SCAMP2: variants seen among roughly 807,000 people sequenced by gnomAD.
SCAMP2 encodes the protein secretory carrier membrane protein 2.
SCAMP2 carries 25 observed loss-of-function variants against 44.1 expected under a neutral mutation model. The ratio of observed to expected loss-of-function variants is 0.57; its 90% CI spans 0.41 to 0.79. The LOEUF is 0.79. Among genes scored for constraint, SCAMP2 ranks in the 30% least tolerant of loss-of-function variants. The pLI, the probability that SCAMP2 is intolerant of heterozygous loss-of-function variation, is 0.00. For synonymous variants in SCAMP2, 156 were observed against 166.0 expected, an observed-to-expected ratio of 0.94 and a Z score of 0.46; for missense variants, 355 against 411.0, an observed-to-expected ratio of 0.86 and a Z score of 1.18.
intron 1 of SCAMP2, among the ~76,000 whole-genome samples, chr15:74,867,503 C>A (rs1417678807): frequency 1.3e-5 from 2 of 152,196 alleles, no homozygotes; most frequent in African/African-American, 2.4e-5. Context: ...GCTGTAAGAA[C>A]CCTGCCATTT....
intron 1 of SCAMP2, among the ~76,000 whole-genome samples, chr15:74,856,264 CTTTTTTTTTTTTTTTTT>C (rs34812536): frequency 1.7e-5 from 1 of 60,408 alleles, no homozygotes; most frequent in Non-Finnish European, 2.9e-5. Context: ...AGAGCCAGTT[CTTTTTTTTTTTTTTTTT>C]TTTTTTTTTT....
At chr15:74,858,590 T>C (rs2064481863) in intron 1 of SCAMP2, among the ~76,000 whole-genome samples, 1 of 151,840 alleles carries the variant, frequency 6.6e-6, no homozygotes, top group Non-Finnish European at 1.5e-5. Context: ...ATCTCAGGGG[T>C]AGTGGCTCAG....
chr15:74,846,217 G>A (rs2064397824), intron 7 of SCAMP2, among the ~76,000 whole-genome samples: 1 of 152,058 alleles, frequency 6.6e-6, no homozygotes, highest in Non-Finnish European at 1.5e-5. Flanking sequence ...GGAAGGTGCA[G>A]GCTGCAGTGA....
rs1042358614 is a variant in SCAMP2 at position 74,844,152 on chromosome 15, G to T, written c.*931C>A. 29 of 151,004 alleles carry T rather than the reference G, an allele frequency of 1.9e-4. No individual in the cohort carries two copies. The highest frequency in any genetic ancestry group is 7.1e-4 in the African/African-American group (29 of 40,934). The allele number at this position is 151,004 out of a possible 1,614,324, so 9.4% of individuals were successfully genotyped here. A position where few individuals can be genotyped will look rare whatever the true frequency, so the allele number is the denominator to read the frequency against. On this transcript the variant is annotated 3_prime_UTR_variant, in exon 9 of 9. Transcript: ENST00000268099. ...TGCTGCTGATGGGGAGCATGGGCGG[G>T]GCAGGTGGCATCTGAGGCAGAGACA...
chr15:74,868,657 G>T (rs12902515), intron 1 of SCAMP2, among the ~76,000 whole-genome samples: 2 of 151,964 alleles, frequency 1.3e-5, no homozygotes, highest in Non-Finnish European at 2.9e-5. Flanking sequence ...ATCCCCCTGT[G>T]GCAGCCTCCC....
At chr15:74,862,668 C>T (rs934515097) in intron 1 of SCAMP2, among the ~76,000 whole-genome samples, 2 of 150,722 alleles carry the variant, frequency 1.3e-5, no homozygotes, top group Non-Finnish European at 2.9e-5. Context: ...ATAATATGGT[C>T]ATGTTATTTT....
At chr15:74,849,095 T>A (rs559301084) in intron 6 of SCAMP2, among the ~76,000 whole-genome samples, 1 of 151,504 alleles carries the variant, frequency 6.6e-6, no homozygotes, top group South Asian at 2.1e-4. Flanking sequence ...TAACACTCCA[T>A]CTCCTGGAGT....
intron 6 of SCAMP2, 34 bp downstream of exon 6, chr15:74,850,479 CA>C: frequency 6.2e-7 from 1 of 1,604,738 alleles, no homozygotes; most frequent in South Asian, 1.1e-5. Flanking sequence ...GGATGCCAGC[CA>C]TAAAGTCTCA....
chr15:74,852,168 G>A lies in SCAMP2; in HGVS notation c.244C>T (p.Gln82Ter). 6.4e-7 allele frequency: 1 copy of A among 1,555,194 alleles called. No individual in the cohort carries two copies. The highest frequency in any genetic ancestry group is 8.7e-7 in the Non-Finnish European group (1 of 1,151,506). Residue 82 changes from glutamine (Q) to a stop codon, truncating the protein, a stop_gained, in exon 4 of 9, where the codon CAG becomes TAG. Transcript: ENST00000268099. LOFTEE classifies it high-confidence loss of function. ...TCCTGCTGCCGGAGCAGGCCTGCCT[G>A]GGCTGCAGACACCACGGCCTGGAGA... ...PTPQAVVSAA[Q>*]AGLLRQQEEL...
intron 1 of SCAMP2, among the ~76,000 whole-genome samples, chr15:74,865,785 CAAAAAAAAA>C (rs768984095): frequency 1.1e-5 from 1 of 90,662 alleles, no homozygotes; most frequent in African/African-American, 4.6e-5. Context: ...CTCATTTCTC[CAAAAAAAAA>C]AAAAAAAAAA....
chr15:74,863,190 C>A (rs2064520294), intron 1 of SCAMP2, among the ~76,000 whole-genome samples: 1 of 151,802 alleles, frequency 6.6e-6, no homozygotes, highest in African/African-American at 2.4e-5. Flanking sequence ...ACTAAAAATA[C>A]AAAAATTAGC....
intron 7 of SCAMP2, 119 bp from the exon 8 acceptor site, chr15:74,845,712 AGC>A: frequency 8.0e-7 from 1 of 1,247,888 alleles, no homozygotes; most frequent in Non-Finnish European, 1.1e-6. Flanking sequence ...ATCTCCCCAC[AGC>A]ACAGGGAGCC....
intron 1 of SCAMP2, among the ~76,000 whole-genome samples, chr15:74,865,950 CG>C (rs2064539732): frequency 2.7e-5 from 1 of 36,462 alleles, no homozygotes; most frequent in Non-Finnish European, 4.4e-5. Context: ...GACTCTGTCT[CG>C]AAGGAAGGAA....
At chr15:74,860,078 T>C (rs1322442794) in intron 1 of SCAMP2, among the ~76,000 whole-genome samples, 1 of 151,856 alleles carries the variant, frequency 6.6e-6, no homozygotes, top group African/African-American at 2.4e-5. Context: ...CTGGGCAACA[T>C]AGCGAGACCC....
intron 1 of SCAMP2, among the ~76,000 whole-genome samples, chr15:74,860,239 A>T (rs2064494330): frequency 6.6e-6 from 1 of 151,086 alleles, no homozygotes; most frequent in Non-Finnish European, 1.5e-5. Context: ...ACATGGTAAA[A>T]CCCCATGTCT....
At chr15:74,861,307 A>G (rs748657505) in intron 1 of SCAMP2, among the ~76,000 whole-genome samples, 14 of 152,204 alleles carry the variant, frequency 9.2e-5, no homozygotes, top group Non-Finnish European at 8.8e-5. Flanking sequence ...AGTGTCACAG[A>G]GCACGAAAAA....
At chr15:74,856,893 G>A (rs1350224247) in intron 1 of SCAMP2, among the ~76,000 whole-genome samples, 3 of 152,138 alleles carry the variant, frequency 2.0e-5, no homozygotes, top group Admixed American at 2.0e-4. Flanking sequence ...ACCTTGCCCT[G>A]TCCAGATCCA....
At position 74,852,182 on chromosome 15, in the gene SCAMP2, A is replaced by G; in HGVS notation, c.230T>C (p.Val77Ala). The G allele has an allele frequency of 6.5e-7, 1 of 1,533,954 alleles. No individual in the cohort carries two copies. Among genetic ancestry groups the G allele is most frequent in the Admixed American group, 2.0e-5 (1 of 49,486 alleles). Residue 77 changes from valine to alanine, a missense_variant, in exon 4 of 9, where the codon GTG (valine) becomes GCG (alanine). Physicochemically the swap from Val to Ala is moderately conservative, Grantham distance 64 (BLOSUM62 0). Coordinates refer to ENST00000268099, the MANE Select transcript of SCAMP2 (RefSeq NM_005697.5). The part of the protein sequence containing the change: ...VEPTQPTPQA[V>A]VSAAQAGLLR... ...CAGGCCTGCCTGGGCTGCAGACACC[A>G]CGGCCTGGAGAGAACAGGGGAGGTA... is the stretch of plus-strand genomic sequence containing the variant.
intron 1 of SCAMP2, among the ~76,000 whole-genome samples, chr15:74,858,016 G>A (rs1300078825): frequency 4.6e-5 from 7 of 152,222 alleles, no homozygotes; most frequent in Admixed American, 3.9e-4. Flanking sequence ...CTGGAAGCAC[G>A]TTGCCTAGGA....
Sources: gnomAD v4.1 joint callset for allele counts (sites outside exome capture counted in the v4.1 genomes callset) on GRCh38, gnomAD v4.1.1 for gene constraint, MANE v1.5 for transcripts, NCBI Gene and HGNC (gene_info 2026-07-23, HGNC 2026-07-21) for gene names.